The following EPHB1 variants were observed in gnomAD, a reference collection of about 807,000 sequenced individuals.
EPHB1 encodes the protein ephrin type-B receptor 1.
EPHB1 carries 30 observed loss-of-function variants against 94.4 expected under a neutral mutation model. The ratio of observed to expected loss-of-function variants is 0.32; its 90% CI spans 0.24 to 0.43. The LOEUF (loss-of-function observed/expected upper bound fraction) is 0.43, where lower values mean the gene tolerates loss of function less well. Ranked by LOEUF, EPHB1 falls within the 20% of genes least tolerant of loss-of-function variation. The probability of loss-of-function intolerance (pLI) is 1.00; values close to 1 mark genes in which losing one functional copy is unlikely to be tolerated. For synonymous variants in EPHB1, 522 were observed against 489.1 expected (o/e 1.07, Z -0.89); for missense variants, 1,055 against 1,308.3 (o/e 0.81, Z 2.99).
rs1553853017 is a variant in EPHB1 at position 134,811,256 on chromosome 3, T to TTTTGTTTTTG, written c.58+15570_58+15571insGTTTTTGTTT. Among the ~76,000 whole-genome samples, 22 of 134,940 alleles carry TTTTGTTTTTG rather than the reference T, an allele frequency of 1.6e-4. 1 individual carries two copies. Among genetic ancestry groups the TTTTGTTTTTG allele is most frequent in the Non-Finnish European group, 2.3e-4 (14 of 61,690 alleles). The allele number at this position is 134,940 out of a possible 152,430, so 88.5% of individuals were successfully genotyped here. A position where few individuals can be genotyped will look rare whatever the true frequency, so the allele number is the denominator to read the frequency against. On this transcript the variant is annotated intron_variant, in intron 1 of 15. Transcript: ENST00000398015. ...CTACTAAGAAGGTTTTTTTTTTTTT[T>TTTTGTTTTTG]TTTTTTTCTGTCTTGCTCTGTCCCC...
intron 3 of EPHB1, among the ~76,000 whole-genome samples, chr3:134,994,878 T>G (rs1409157355): frequency 6.6e-6 from 1 of 152,248 alleles, no homozygotes; most frequent in African/African-American, 2.4e-5. Flanking sequence ...TCATCCAGTT[T>G]ATGCTAATGG....
At position 135,132,910 on chromosome 3, in the gene EPHB1, G is replaced by T. The variant is rs772829308; in HGVS notation, c.1158G>T (p.Leu386=). 13 of 1,614,050 alleles carry T rather than the reference G, an allele frequency of 8.1e-6. No individual in the cohort carries two copies. The highest frequency in any genetic ancestry group is 1.1e-5 in the Non-Finnish European group (13 of 1,179,886). The change falls in exon 5 of 16, where the codon CTG becomes CTT. Residue 386 remains leucine (L), a synonymous_variant. Transcript: ENST00000398015. ...NVEFVPRQLG[L]TECRVSISSL... ...AGTTTGTGCCCAGGCAGCTGGGCCT[G>T]ACGGAGTGCCGCGTCTCCATCAGCA...
At chr3:135,130,242 G>A (rs1940371509) in intron 4 of EPHB1, among the ~76,000 whole-genome samples, 2 of 152,158 alleles carry the variant, frequency 1.3e-5, no homozygotes, top group Non-Finnish European at 2.9e-5. Flanking sequence ...AGTAGAGGAA[G>A]ATGGACAGAT....
intron 7 of EPHB1, 26 bp from the exon 8 acceptor site, chr3:135,165,942 G>T: frequency 3.8e-6 from 6 of 1,578,076 alleles, no homozygotes; most frequent in Non-Finnish European, 5.2e-6. Flanking sequence ...ACATGGGGAG[G>T]ATTCTAATGC....
At chr3:134,942,046 G>C (rs1365139598) in intron 2 of EPHB1, among the ~76,000 whole-genome samples, 1 of 152,184 alleles carries the variant, frequency 6.6e-6, no homozygotes, top group South Asian at 2.1e-4. Context: ...TGTCAAAATA[G>C]TGCTCTTTCA....
Position 134,827,737 on chromosome 3 carries a change from C to T in EPHB1, c.58+32048C>T, listed in dbSNP as rs567819850. 1.4e-3 allele frequency among the ~76,000 whole-genome samples: 210 copies of T among 152,162 alleles called. 1 individual carries two copies. The highest frequency in any genetic ancestry group is 4.6e-3 in the African/African-American group (192 of 41,508). On this transcript the variant is annotated intron_variant, in intron 1 of 15. Coordinates refer to ENST00000398015, the MANE Select transcript of EPHB1 (RefSeq NM_004441.5). Reference sequence around the variant, plus strand: ...TTTCCCTGGGGAGCTGGGGTGGAGGCGGCACTTTAAAGGCAGAGACTGAGA... The same window carrying T: ...TTTCCCTGGGGAGCTGGGGTGGAGGTGGCACTTTAAAGGCAGAGACTGAGA...
At position 135,239,576 on chromosome 3, in the gene EPHB1, A is replaced by T. The variant is rs4626121; in HGVS notation, c.2347-1572A>T. On this transcript the variant is annotated intron_variant, in intron 12 of 15. Coordinates refer to ENST00000398015, the MANE Select transcript of EPHB1 (RefSeq NM_004441.5). ...AAAGGGTGAAATCCTGGCATTTGGC[A>T]TGAAAAACTGAAAAGGGGGGTCATA... 2.0e-5 allele frequency among the ~76,000 whole-genome samples: 3 copies of T among 152,156 alleles called. No homozygotes were observed. In the East Asian group the frequency reaches 5.8e-4, roughly 30 times the overall value.
chr3:135,177,861 T>C (rs1942027503), intron 9 of EPHB1, among the ~76,000 whole-genome samples: 1 of 152,226 alleles, frequency 6.6e-6, no homozygotes, highest in African/African-American at 2.4e-5. Flanking sequence ...CAAAAAGGAC[T>C]GGCACCCCCA....
intron 4 of EPHB1, among the ~76,000 whole-genome samples, chr3:135,123,532 C>T (rs976628832): frequency 1.3e-5 from 2 of 151,936 alleles, no homozygotes; most frequent in African/African-American, 4.8e-5. Context: ...GAGCCATGTC[C>T]ACAGGAAGGC....
chr3:134,981,087 C>T (rs948318868), intron 3 of EPHB1, among the ~76,000 whole-genome samples: 4 of 152,192 alleles, frequency 2.6e-5, no homozygotes, highest in Non-Finnish European at 5.9e-5. Context: ...TGCTAACACA[C>T]TGGGGTCTCC....
intron 12 of EPHB1, among the ~76,000 whole-genome samples, chr3:135,216,414 G>C (rs1410170503): frequency 2.0e-5 from 3 of 152,038 alleles, no homozygotes; most frequent in African/African-American, 7.2e-5. Flanking sequence ...GTTGGAGACA[G>C]GTGGATAAAA....
intron 3 of EPHB1, among the ~76,000 whole-genome samples, chr3:135,001,735 C>T (rs1935188811): frequency 6.6e-6 from 1 of 152,122 alleles, no homozygotes; most frequent in Non-Finnish European, 1.5e-5. Context: ...CTATGTTATC[C>T]TTCTCTTCCT....
At chr3:134,888,324 A>AG (rs2037899271) in intron 1 of EPHB1, among the ~76,000 whole-genome samples, 1 of 152,124 alleles carries the variant, frequency 6.6e-6, no homozygotes, top group African/African-American at 2.4e-5. Flanking sequence ...GCCATGAGGG[A>AG]GGGGGATTCC....
chr3:135,039,747 C>T (rs1047277877), intron 3 of EPHB1, among the ~76,000 whole-genome samples: 2 of 152,238 alleles, frequency 1.3e-5, no homozygotes, highest in Non-Finnish European at 2.9e-5. Context: ...AAGCCCATGC[C>T]CACCCGGAAC....
chr3:134,995,221 A>G (rs943597229), intron 3 of EPHB1, among the ~76,000 whole-genome samples: 5 of 152,190 alleles, frequency 3.3e-5, no homozygotes, highest in African/African-American at 1.2e-4. Flanking sequence ...GTATAAATGG[A>G]ATCATATGGT....
intron 3 of EPHB1, among the ~76,000 whole-genome samples, chr3:135,060,535 A>G (rs1937468585): frequency 6.6e-6 from 1 of 152,210 alleles, no homozygotes; most frequent in African/African-American, 2.4e-5. Flanking sequence ...TTTGTTTGGT[A>G]TATACCTAGG....
intron 3 of EPHB1, among the ~76,000 whole-genome samples, chr3:135,074,382 G>GT (rs886824983): frequency 6.9e-4 from 104 of 151,590 alleles, no homozygotes; most frequent in African/African-American, 2.3e-3. Flanking sequence ...AGGCTTTCAG[G>GT]TTTTTTTTTC....
chr3:134,810,803 G>T (rs1186414865), intron 1 of EPHB1, among the ~76,000 whole-genome samples: 1 of 152,192 alleles, frequency 6.6e-6, no homozygotes, highest in Non-Finnish European at 1.5e-5. Context: ...GGGAGTCTTT[G>T]GGTTTCTATG....
At chr3:135,001,648 C>T (rs2107743111) in intron 3 of EPHB1, among the ~76,000 whole-genome samples, 1 of 152,310 alleles carries the variant, frequency 6.6e-6, no homozygotes, top group Non-Finnish European at 1.5e-5. Flanking sequence ...TGGAGGCTTC[C>T]AGGGACAGCC....
Sources: gnomAD v4.1 joint callset for allele counts (sites outside exome capture counted in the v4.1 genomes callset) on GRCh38, gnomAD v4.1.1 for gene constraint, MANE v1.5 for transcripts, NCBI Gene and HGNC (gene_info 2026-07-23, HGNC 2026-07-21) for gene names.